MLH3: variants seen among roughly 807,000 people sequenced by gnomAD.
MLH3 encodes DNA mismatch repair protein Mlh3.
In MLH3, 82 loss-of-function variants were observed where a neutral mutation model predicts 122.2. The observed-to-expected ratio is 0.67, with a 90% CI of 0.56 to 0.81. The LOEUF (loss-of-function observed/expected upper bound fraction) is 0.81, where lower values mean the gene tolerates loss of function less well. Ranked by LOEUF, MLH3 falls within the 30% of genes least tolerant of loss-of-function variation. MLH3 has a pLI of 0.00. For missense variants in MLH3, 1,539 were observed against 1,714.5 expected (o/e 0.90, Z 1.81); for synonymous variants, 524 against 599.5 (o/e 0.87, Z 1.84).
In MLH3 at chr14:75,048,503, C is replaced by T. The variant is rs201389281; in HGVS notation, c.1153G>A (p.Asp385Asn). ...DATLQKRVTS[D>N]ERSNFQEACN... ...GCTTCCTGGAAATTGCTCCTCTCAT[C>T]GGAAGTCACACGCTTCTGAAGAGTA... The change falls in exon 2 of 13, where the codon GAT becomes AAT. Residue 385 changes from aspartate to asparagine, a missense_variant. Transcript: ENST00000355774. 37 of 1,613,058 alleles carry T rather than the reference C, an allele frequency of 2.3e-5. No homozygotes were observed. Among genetic ancestry groups the T allele is most frequent in the African/African-American group, 2.7e-5 (2 of 74,872 alleles).
Position 75,047,207 on chromosome 14 carries a change from T to G in MLH3, c.2449A>C (p.Ser817Arg), listed in dbSNP as rs143278116. The G allele has an allele frequency of 1.1e-5, 17 of 1,614,034 alleles. No homozygotes were observed. Among genetic ancestry groups the G allele is most frequent in the Non-Finnish European group, 1.4e-5 (17 of 1,179,994 alleles). ...AGGATGTGGCTTGCTGGTTGACAAC[T>G]ACTATCTGAATCACTATGCTCCATA... is the stretch of plus-strand genomic sequence containing the variant. ...TTMEHSDSDS[S>R]CQPASHILNS... is the part of the protein sequence containing the mutation. The change falls in exon 2 of 13, where the codon AGT becomes CGT. Residue 817 changes from serine (S) to arginine (R), a missense_variant. By Grantham distance (110) the Ser-to-Arg change is moderately radical. Coordinates refer to ENST00000355774, the MANE Select transcript of MLH3 (RefSeq NM_001040108.2).
chr14:75,020,068 T>C (rs2139306854), intron 11 of MLH3, among the ~76,000 whole-genome samples: 1 of 152,312 alleles, frequency 6.6e-6, no homozygotes, highest in African/African-American at 2.4e-5. Flanking sequence ...AAGAAAGACG[T>C]GGCTAATTGA....
rs999974942 is a variant in MLH3 at position 75,014,014 on chromosome 14, G to A, written c.*3068C>T. The A allele has an allele frequency of 2.8e-5, 5 of 181,462 alleles. No individual in the cohort carries two copies. Among genetic ancestry groups the A allele is most frequent in the Non-Finnish European group, 4.7e-5 (4 of 85,220 alleles). 11.2% of individuals were successfully genotyped at this position (181,462 alleles called of 1,614,324 possible). On this transcript the variant is annotated 3_prime_UTR_variant, in exon 13 of 13. Coordinates refer to ENST00000355774, the MANE Select transcript of MLH3 (RefSeq NM_001040108.2). ...TGGCTCTTCAGGTGGAAAACAGGTC[G>A]TGGGGGTCAGGTTTTGGGTGCCTGA...
In MLH3 at chr14:75,047,049, TG is replaced by T; in HGVS notation, c.2606del (p.Ser869TyrfsTer5). The part of the protein sequence containing the change: ...FNRKPLDLEK[S>X]SESLASKLSR... ...ATAATTTAGAGGCTAGTGATTCAGA[TG>T]ACTTCTCAAGGTCCAAAGGTTTTCT... On this transcript the variant is annotated frameshift_variant, in exon 2 of 13. Transcript: ENST00000355774. LOFTEE classifies it high-confidence loss of function. 1 of 1,614,204 alleles carries T rather than the reference TG, an allele frequency of 6.2e-7. No individual in the cohort carries two copies. Among genetic ancestry groups the T allele is most frequent in the Non-Finnish European group, 8.5e-7 (1 of 1,180,022 alleles).
At chr14:75,046,298 G>T in intron 2 of MLH3, 78 bp downstream of exon 2, 1 of 1,402,454 alleles carries the variant, frequency 7.1e-7, no homozygotes, top group Non-Finnish European at 1.0e-6. Flanking sequence ...TAATCTCTTT[G>T]GATAATGAGG....
Position 75,046,619 on chromosome 14 carries a change from T to C in MLH3, c.3037A>G (p.Thr1013Ala). ...GMLMNPVEDA[T>A]GDQNGICFQS... ...AAACAAATTCCATTTTGGTCACCTG[T>C]GGCATCTTCTACCGGATTCATTAAC... The change falls in exon 2 of 13, where the codon ACA (threonine) becomes GCA (alanine). Residue 1013 changes from threonine (T) to alanine (A), a missense_variant. Physicochemically the swap from Thr to Ala is moderately conservative, Grantham distance 58. Coordinates refer to ENST00000355774, the MANE Select transcript of MLH3 (RefSeq NM_001040108.2). The C allele has an allele frequency of 1.9e-6, 3 of 1,614,224 alleles. No homozygotes were observed. The highest frequency in any genetic ancestry group is 2.5e-6 in the Non-Finnish European group (3 of 1,180,034).
chr14:75,036,790 T>C (rs775502672), intron 6 of MLH3: 3 of 456,048 alleles, frequency 6.6e-6, no homozygotes, highest in African/African-American at 4.0e-5. Flanking sequence ...ACTTTCCCCA[T>C]ATCCAATCCA....
Position 75,022,851 on chromosome 14 carries a change from C to T in MLH3, c.4053G>A (p.Leu1351=), listed in dbSNP as rs148335516. Residue 1351 remains leucine, a synonymous_variant, in exon 11 of 13, where the codon CTG becomes CTA. Transcript: ENST00000355774. ...TTGGIQGTLP[L]TVQKVLASQA... ...GGGATGCCAACACCTTCTGGACAGTCAGTGGCAATGTCCCTTGGATGCCTC... is the reference window on the plus strand; with the variant it reads ...GGGATGCCAACACCTTCTGGACAGTTAGTGGCAATGTCCCTTGGATGCCTC... 7 of 1,613,974 alleles carry T rather than the reference C, an allele frequency of 4.3e-6. No homozygotes were observed. The African/African-American group carries it at 9.3e-5, about 22-fold the overall frequency.
At chr14:75,043,338 T>C (rs771990486) in intron 2 of MLH3, among the ~76,000 whole-genome samples, 28 of 152,204 alleles carry the variant, frequency 1.8e-4, no homozygotes, top group South Asian at 2.1e-4. Flanking sequence ...TATAATACAA[T>C]TATATTTAGA....
At chr14:75,021,333 C>T (rs1376598847) in intron 11 of MLH3, among the ~76,000 whole-genome samples, 1 of 152,214 alleles carries the variant, frequency 6.6e-6, no homozygotes, top group Non-Finnish European at 1.5e-5. Context: ...AGCTTCTCCA[C>T]AGCAAAAGAA....
At chr14:75,020,944 T>C (rs995085554) in intron 11 of MLH3, 12 of 152,138 alleles carry the variant, frequency 7.9e-5, no homozygotes, top group African/African-American at 2.2e-4. Flanking sequence ...TGGCGTGATA[T>C]TGGCTCACTG....
intron 11 of MLH3, among the ~76,000 whole-genome samples, chr14:75,020,113 G>A (rs549663822): frequency 1.3e-5 from 2 of 152,278 alleles, no homozygotes; most frequent in African/African-American, 2.4e-5. Context: ...TAGAGGAGAA[G>A]GCCAGTGCAG....
intron 6 of MLH3, among the ~76,000 whole-genome samples, chr14:75,037,883 T>A (rs762800452): frequency 3.9e-5 from 6 of 152,172 alleles, no homozygotes; most frequent in Non-Finnish European, 8.8e-5. Context: ...CTCTTGATAG[T>A]TTAATGTGCA....
In MLH3 at chr14:75,046,363, A is replaced by G; in HGVS notation, c.3280+13T>C. The stretch of plus-strand genomic sequence containing the variant: ...TCAAAAGCATCTCATGCACATGAAT[A>G]CTACGTACTTACCATTCTCAAGTAC... On this transcript the variant is annotated intron_variant, in intron 2 of 12. Coordinates refer to ENST00000355774, the MANE Select transcript of MLH3 (RefSeq NM_001040108.2). The G allele has an allele frequency of 6.2e-7, 1 of 1,613,946 alleles. No individual in the cohort carries two copies. The highest frequency in any genetic ancestry group is 8.5e-7 in the Non-Finnish European group (1 of 1,179,800).
intron 11 of MLH3, chr14:75,020,716 A>G (rs374147388): frequency 3.7e-4 from 57 of 152,080 alleles, no homozygotes; most frequent in African/African-American, 1.3e-3. Flanking sequence ...CCAGCTCCCC[A>G]TTTTCTATAT....
intron 9 of MLH3, among the ~76,000 whole-genome samples, chr14:75,029,000 T>C (rs1890846466): frequency 6.6e-6 from 1 of 150,874 alleles, no homozygotes; most frequent in South Asian, 2.1e-4. Context: ...AATACAAAAA[T>C]TAGCCGGGGC....
rs751509115 is a variant in MLH3, at chr14:75,042,387, T to C, written c.3371A>G (p.Asp1124Gly). ...CTCTCTGCCACCCTTACCTCTGTTATCCTGTCTCATCACAGTCCTCTCTGC... is the reference window on the plus strand; with the variant it reads ...CTCTCTGCCACCCTTACCTCTGTTACCCTGTCTCATCACAGTCCTCTCTGC... ...ARAERTVMRQDNRDTVDDTVS... is the reference protein window; with the variant it reads ...ARAERTVMRQGNRDTVDDTVS... The change falls in exon 3 of 13, where the codon GAT becomes GGT. Residue 1124 changes from aspartate (D) to glycine (G), a missense_variant. By Grantham distance (94) the Asp-to-Gly change is moderately conservative. Transcript: ENST00000355774. The C allele has an allele frequency of 6.2e-7, 1 of 1,614,094 alleles. No individual in the cohort carries two copies. The highest frequency in any genetic ancestry group is 8.5e-7 in the Non-Finnish European group (1 of 1,179,952).
chr14:75,021,744 T>A (rs886649257), intron 11 of MLH3, among the ~76,000 whole-genome samples: 36 of 152,318 alleles, frequency 2.4e-4, no homozygotes, highest in African/African-American at 8.4e-4. Flanking sequence ...TATAAATTAG[T>A]TCAGCCACTG....
At chr14:75,020,302 T>C (rs1399305372) in intron 11 of MLH3, among the ~76,000 whole-genome samples, 2 of 152,186 alleles carry the variant, frequency 1.3e-5, no homozygotes, top group Non-Finnish European at 2.9e-5. Flanking sequence ...CCAAGAGCAA[T>C]GGGTCATCAT....
Sources: gnomAD v4.1 joint callset for allele counts (sites outside exome capture counted in the v4.1 genomes callset) on GRCh38, gnomAD v4.1.1 for gene constraint, MANE v1.5 for transcripts, NCBI Gene and HGNC (gene_info 2026-07-23, HGNC 2026-07-21) for gene names.